PTPN22: variants seen among roughly 807,000 people sequenced by gnomAD.
PTPN22 encodes the protein protein tyrosine phosphatase non-receptor type 22.
In PTPN22, 85 loss-of-function variants were observed where a neutral mutation model predicts 103.3. The observed-to-expected ratio is 0.82, with a 90% CI of 0.69 to 0.99. The LOEUF is 0.99. PTPN22 is among the 50% of genes least tolerant of loss of function. The pLI, the probability that PTPN22 is intolerant of heterozygous loss-of-function variation, is 0.00. For missense variants in PTPN22, 865 were observed against 936.9 expected (o/e 0.92, Z 1.00); for synonymous variants, 323 against 310.2 (o/e 1.04, Z -0.43).
chr1:113,818,169 A>T (rs1282332440), intron 20 of PTPN22, among the ~76,000 whole-genome samples: 9 of 151,802 alleles, frequency 5.9e-5, no homozygotes, highest in Non-Finnish European at 1.3e-4. Flanking sequence ...TTTTTAAATT[A>T]TAACTTTTTT....
At chr1:113,839,082 T>G (rs1663280819) in intron 11 of PTPN22, among the ~76,000 whole-genome samples, 1 of 152,208 alleles carries the variant, frequency 6.6e-6, no homozygotes, top group East Asian at 1.9e-4. Flanking sequence ...AAGTCAAGGC[T>G]TTTACACTTA....
Position 113,859,473 on chromosome 1 carries a change from T to C in PTPN22, c.88-13A>G. The stretch of plus-strand genomic sequence containing the variant: ...GCCTTTTCAGCTTCTGTAATAAGAT[T>C]CCAAGAAAAATTAATCTTCCTAGAG... On this transcript the variant is annotated splice_polypyrimidine_tract_variant and intron_variant, in intron 1 of 20. Transcript: ENST00000359785. 1 of 1,588,254 alleles carries C rather than the reference T, an allele frequency of 6.3e-7. No homozygotes were observed. Among genetic ancestry groups the C allele is most frequent in the South Asian group, 1.1e-5 (1 of 90,456 alleles).
At chr1:113,871,181 T>C (rs978438326) in intron 1 of PTPN22, among the ~76,000 whole-genome samples, 3 of 152,228 alleles carry the variant, frequency 2.0e-5, no homozygotes, top group African/African-American at 7.2e-5. Flanking sequence ...TCTTTCTTCT[T>C]AATATTAATT....
At chr1:113,832,055 A>ATTC (rs57486083) in intron 16 of PTPN22, among the ~76,000 whole-genome samples, 109,563 of 151,866 alleles carry the variant, frequency 0.72, 39,984 homozygotes, top group South Asian at 0.77. Context: ...AAGGGATTCT[A>ATTC]TTCTTTTATA....
At chr1:113,856,597 G>A (rs1035783103) in exon 6 of PTPN22, 1 of 1,614,056 alleles carries the variant, frequency 6.2e-7, no homozygotes, top group Non-Finnish European at 8.5e-7. Flanking sequence ...TCCTGGCTCA[G>A]CCCAGTAGCG....
At chr1:113,827,480 A>G (rs1328187432) in intron 18 of PTPN22, among the ~76,000 whole-genome samples, 1 of 152,120 alleles carries the variant, frequency 6.6e-6, no homozygotes, top group Non-Finnish European at 1.5e-5. Flanking sequence ...ATATATAAAT[A>G]TATTGAGAAA....
rs1171288282 is a variant in PTPN22 at position 113,823,766 on chromosome 1, C to T, written c.2281+1376G>A. ...CTTTGCACTTGGCTGTTTTATTTCC[C>T]CTGTTTCCTACCATAATTTCCATTT... On this transcript the variant is annotated intron_variant, in intron 19 of 20. Transcript: ENST00000359785. 3.9e-5 allele frequency among the ~76,000 whole-genome samples: 6 copies of T among 152,278 alleles called. No individual in the cohort carries two copies. The South Asian group carries it at 1.2e-3, about 32-fold the overall frequency.
chr1:113,831,986 C>A (rs1296983373), intron 16 of PTPN22, among the ~76,000 whole-genome samples: 2 of 152,166 alleles, frequency 1.3e-5, no homozygotes, highest in African/African-American at 4.8e-5. Context: ...ACTTATTTGA[C>A]AAGTACTACG....
intron 18 of PTPN22, among the ~76,000 whole-genome samples, chr1:113,828,112 T>C (rs945247095): frequency 1.3e-5 from 2 of 152,252 alleles, no homozygotes; most frequent in Non-Finnish European, 2.9e-5. Flanking sequence ...TTATTTTCTA[T>C]GAATTTCTAA....
intron 7 of PTPN22, 73 bp from the exon 8 acceptor site, chr1:113,855,122 C>T (rs1664932901): frequency 7.5e-7 from 1 of 1,337,530 alleles, no homozygotes; most frequent in Non-Finnish European, 1.1e-6. Context: ...ATTATGCTCA[C>T]TACCTGGGTG....
intron 20 of PTPN22, among the ~76,000 whole-genome samples, chr1:113,817,477 G>A (rs532714530): frequency 2.8e-4 from 42 of 151,896 alleles, no homozygotes; most frequent in African/African-American, 8.7e-4. Context: ...TTGTACTGTC[G>A]CCCAGGCTAG....
At chr1:113,861,520 G>GT (rs1189863229) in intron 1 of PTPN22, among the ~76,000 whole-genome samples, 2 of 152,018 alleles carry the variant, frequency 1.3e-5, no homozygotes, top group African/African-American at 4.8e-5. Flanking sequence ...GATTACAGTC[G>GT]TGAGCCACCG....
chr1:113,814,691 T>G, exon 21 of PTPN22: 1 of 518,782 alleles, frequency 1.9e-6, no homozygotes, highest in East Asian at 3.4e-5. Context: ...AGTGACAAAC[T>G]TTTATTTGCA....
At chr1:113,818,569 A>G (rs903566098) in intron 20 of PTPN22, among the ~76,000 whole-genome samples, 1 of 152,240 alleles carries the variant, frequency 6.6e-6, no homozygotes, top group Admixed American at 6.5e-5. Context: ...AAGATGACAC[A>G]GGGACTCTTA....
rs182625064 is a variant in PTPN22 at position 113,837,869 on chromosome 1, T to C, written c.1531A>G (p.Asn511Asp). 23 of 1,614,124 alleles carry C rather than the reference T, an allele frequency of 1.4e-5. No individual in the cohort carries two copies. The East Asian group carries it at 4.9e-4, about 34-fold the overall frequency. ...TCATGGTGCTTTACATTAGAGGCATTACGTATTTGGTGTTTAGAGTCATAT... is the reference window on the plus strand; with the variant it reads ...TCATGGTGCTTTACATTAGAGGCATCACGTATTTGGTGTTTAGAGTCATAT... Residue 511 changes from asparagine (N) to aspartate (D), a missense_variant, in exon 13 of 21, where the codon AAT (asparagine) becomes GAT (aspartate). By Grantham distance (23) the Asn-to-Asp change is conservative. Coordinates refer to ENST00000359785, the Ensembl canonical transcript of PTPN22.
intron 1 of PTPN22, among the ~76,000 whole-genome samples, chr1:113,861,519 C>T (rs574689048): frequency 1.3e-5 from 2 of 152,098 alleles, no homozygotes; most frequent in African/African-American, 2.4e-5. Context: ...GGATTACAGT[C>T]GTGAGCCACC....
At chr1:113,867,150 G>T (rs370352608) in intron 1 of PTPN22, among the ~76,000 whole-genome samples, 2 of 152,280 alleles carry the variant, frequency 1.3e-5, no homozygotes, top group South Asian at 2.1e-4. Context: ...AATAAGGAAC[G>T]TTTGAAAATA....
intron 14 of PTPN22, 66 bp downstream of exon 14, chr1:113,834,844 G>T: frequency 7.8e-7 from 1 of 1,275,254 alleles, no homozygotes; most frequent in Non-Finnish European, 1.1e-6. Context: ...CAAAGTGCTG[G>T]AATTAAAGGC....
exon 14 of PTPN22, chr1:113,834,989 A>T (rs554195846): frequency 3.9e-6 from 6 of 1,540,844 alleles, no homozygotes; most frequent in Non-Finnish European, 5.2e-6. Flanking sequence ...TCCTTGGAGC[A>T]GTTGCTATCC....
Sources: allele counts gnomAD v4.1 joint callset (sites outside exome capture counted in the v4.1 genomes callset), GRCh38; gene constraint gnomAD v4.1.1; transcripts MANE v1.5; gene names NCBI Gene and HGNC (gene_info 2026-07-23, HGNC 2026-07-21).